The following DENND2C variants were observed in gnomAD, a reference collection of about 807,000 sequenced individuals.
The protein encoded by DENND2C is DENN domain containing 2C.
In DENND2C, 72 loss-of-function variants were observed where a neutral mutation model predicts 112.4. The ratio of observed to expected loss-of-function variants is 0.64; its 90% CI spans 0.53 to 0.78. The LOEUF (loss-of-function observed/expected upper bound fraction) is 0.78, where lower values mean the gene tolerates loss of function less well. Ranked by LOEUF, DENND2C falls within the 30% of genes least tolerant of loss-of-function variation. DENND2C has a pLI of 0.00. For synonymous variants in DENND2C, 329 were observed against 381.6 expected (o/e 0.86, Z 1.61); for missense variants, 992 against 1,113.8 (o/e 0.89, Z 1.56).
chr1:114,586,781 A>T (rs909147783), intron 20 of DENND2C: 5 of 151,014 alleles, frequency 3.3e-5, no homozygotes, highest in African/African-American at 1.2e-4. Flanking sequence ...TCACTCTGTC[A>T]TCTGTGGCAA....
chr1:114,619,533 C>T (rs1038256194), intron 7 of DENND2C, among the ~76,000 whole-genome samples: 1 of 152,098 alleles, frequency 6.6e-6, no homozygotes, highest in Non-Finnish European at 1.5e-5. Flanking sequence ...CACTCACCCC[C>T]CAAAAAACAT....
intron 3 of DENND2C, among the ~76,000 whole-genome samples, chr1:114,643,396 T>A (rs1229236944): frequency 3.9e-5 from 6 of 152,198 alleles, no homozygotes; most frequent in Non-Finnish European, 5.9e-5. Flanking sequence ...CAGGAATATA[T>A]CTTGCATAAG....
At chr1:114,665,784 T>C (rs1657630563) in intron 1 of DENND2C, among the ~76,000 whole-genome samples, 1 of 152,242 alleles carries the variant, frequency 6.6e-6, no homozygotes, top group South Asian at 2.1e-4. Flanking sequence ...TTAGCATAGA[T>C]AAATAATTCC....
chr1:114,625,601 T>C lies in DENND2C; in HGVS notation c.384A>G (p.Lys128=). Residue 128 remains lysine (K), a synonymous_variant, in exon 4 of 21, where the codon AAA becomes AAG. Coordinates refer to ENST00000393274, the MANE Select transcript of DENND2C (RefSeq NM_001256404.2). ...AAGTCTCTGGATCTAAGACATCTTC[T>C]TTACAGCTTTCAATTTCTTTGACCC... ...CSRVKEIESC[K]EDVLDPETSL... 6.2e-7 allele frequency: 1 copy of C among 1,614,174 alleles called. No individual in the cohort carries two copies. Among genetic ancestry groups the C allele is most frequent in the East Asian group, 2.2e-5 (1 of 44,874 alleles).
At chr1:114,646,569 A>T (rs1300091866) in intron 2 of DENND2C, among the ~76,000 whole-genome samples, 1 of 152,170 alleles carries the variant, frequency 6.6e-6, no homozygotes. Context: ...GTGCACAAAC[A>T]AGTGAGGATG....
chr1:114,663,472 A>C (rs2101700604), intron 1 of DENND2C, among the ~76,000 whole-genome samples: 1 of 152,346 alleles, frequency 6.6e-6, no homozygotes, highest in African/African-American at 2.4e-5. Flanking sequence ...ATGAATGAAA[A>C]TGTTTTAATT....
At position 114,608,746 on chromosome 1, in the gene DENND2C, T is replaced by A; in HGVS notation, c.1497A>T (p.Leu499=). The A allele has an allele frequency of 6.2e-7, 1 of 1,614,178 alleles. No individual in the cohort carries two copies. Among genetic ancestry groups the A allele is most frequent in the Non-Finnish European group, 8.5e-7 (1 of 1,180,040 alleles). The change falls in exon 10 of 21, where the codon CTA becomes CTT. Residue 499 remains leucine (L), a synonymous_variant. Coordinates refer to ENST00000393274, the MANE Select transcript of DENND2C (RefSeq NM_001256404.2). ...AGCTTATTCCTGATGGTTTCTTCTGTAGAGACACCACCACAAAAAGTTCAA... is the reference window on the plus strand; with the variant it reads ...AGCTTATTCCTGATGGTTTCTTCTGAAGAGACACCACCACAAAAAGTTCAA... ...QLFELFVVVS[L]QKKPSGISYI...
chr1:114,663,192 GA>G (rs1461892543), intron 1 of DENND2C, among the ~76,000 whole-genome samples: 1 of 152,108 alleles, frequency 6.6e-6, no homozygotes, highest in Non-Finnish European at 1.5e-5. Context: ...AAGAAAAAGA[GA>G]ATAAAATTCC....
At chr1:114,596,552 G>A (rs1323811051) in intron 16 of DENND2C, among the ~76,000 whole-genome samples, 4 of 152,084 alleles carry the variant, frequency 2.6e-5, no homozygotes, top group Non-Finnish European at 2.9e-5. Context: ...ATGCCCTTAT[G>A]TTATAGAGAT....
At chr1:114,623,386 T>A (rs1656219586) in intron 5 of DENND2C, 121 bp downstream of exon 5, 1 of 978,866 alleles carries the variant, frequency 1.0e-6, no homozygotes, top group Non-Finnish European at 1.5e-6. Context: ...AACGTTTCCA[T>A]GCTAAAGAGA....
chr1:114,615,565 T>C (rs1013792259), intron 8 of DENND2C, among the ~76,000 whole-genome samples: 3 of 152,216 alleles, frequency 2.0e-5, no homozygotes, highest in Non-Finnish European at 4.4e-5. Flanking sequence ...GTAGCTACTA[T>C]TAATAACAAT....
At chr1:114,593,611 CCT>C (rs966905476) in intron 18 of DENND2C, among the ~76,000 whole-genome samples, 2 of 151,860 alleles carry the variant, frequency 1.3e-5, no homozygotes, top group African/African-American at 2.4e-5. Flanking sequence ...GTGGTGAGAC[CCT>C]GTCTCTACAA....
chr1:114,667,486 T>C (rs1234181523), intron 1 of DENND2C, among the ~76,000 whole-genome samples: 1 of 152,164 alleles, frequency 6.6e-6, no homozygotes, highest in Non-Finnish European at 1.5e-5. Context: ...GCACCTCATA[T>C]TGTTAAGATA....
Position 114,585,584 on chromosome 1 carries a change from G to A in DENND2C, c.*16C>T, listed in dbSNP as rs1655018130. The stretch of plus-strand genomic sequence containing the variant: ...CACTTTCTGTTGTATATTCAGGATG[G>A]AGACAATCAGAGATTTCATTTCTTT... On this transcript the variant is annotated 3_prime_UTR_variant, in exon 21 of 21. Coordinates refer to ENST00000393274, the MANE Select transcript of DENND2C (RefSeq NM_001256404.2). The A allele has an allele frequency of 6.2e-7, 1 of 1,613,514 alleles. No homozygotes were observed.
chr1:114,614,968 C>A (rs767840535), intron 8 of DENND2C, among the ~76,000 whole-genome samples: 1 of 151,372 alleles, frequency 6.6e-6, no homozygotes, highest in Non-Finnish European at 1.5e-5. Context: ...GAGCCGAGAT[C>A]GCACAACTGC....
chr1:114,632,250 T>C (rs902167109), intron 3 of DENND2C, among the ~76,000 whole-genome samples: 1 of 152,036 alleles, frequency 6.6e-6, no homozygotes, highest in Non-Finnish European at 1.5e-5. Flanking sequence ...TTTCAAGTAA[T>C]AACAGATGAA....
intron 2 of DENND2C, among the ~76,000 whole-genome samples, chr1:114,653,693 A>G (rs1365833197): frequency 6.6e-6 from 1 of 152,144 alleles, no homozygotes; most frequent in Admixed American, 6.5e-5. Flanking sequence ...TGGTGGAATA[A>G]TGGACCTTTT....
intron 18 of DENND2C, 117 bp downstream of exon 18, chr1:114,594,356 C>A: frequency 1.2e-6 from 1 of 809,798 alleles, no homozygotes; most frequent in Non-Finnish European, 2.0e-6. Flanking sequence ...ATAGGATTTT[C>A]AGCGCACAGG....
chr1:114,645,871 T>A (rs1209842987), intron 2 of DENND2C, among the ~76,000 whole-genome samples: 2 of 152,204 alleles, frequency 1.3e-5, no homozygotes, highest in South Asian at 4.1e-4. Flanking sequence ...ATAATTGATA[T>A]ATTATGAAAT....
Sources: gnomAD v4.1 joint callset for allele counts (sites outside exome capture counted in the v4.1 genomes callset) on GRCh38, gnomAD v4.1.1 for gene constraint, MANE v1.5 for transcripts, NCBI Gene and HGNC (gene_info 2026-07-23, HGNC 2026-07-21) for gene names.